The following RPA1 variants were observed in gnomAD, a reference collection of about 807,000 sequenced individuals.
RPA1 encodes the protein replication protein A 70 kDa DNA-binding subunit.
RPA1 carries 49 observed loss-of-function variants against 83.0 expected under a neutral mutation model. That is an observed-to-expected ratio of 0.59 (90% CI 0.47 to 0.75). RPA1 has a LOEUF of 0.75. RPA1 is among the 30% of genes least tolerant of loss of function. The pLI is 0.00. For synonymous variants in RPA1, 279 were observed against 281.8 expected (o/e 0.99, Z 0.10); for missense variants, 693 against 776.1 (o/e 0.89, Z 1.27).
At chr17:1,875,901 A>C (rs1597448255) in intron 7 of RPA1, 108 bp downstream of exon 7, 15 of 1,034,542 alleles carry the variant, frequency 1.4e-5, no homozygotes, top group East Asian at 3.0e-5. Flanking sequence ...ACCAAATACC[A>C]CCAAATAGAA....
intron 5 of RPA1, among the ~76,000 whole-genome samples, chr17:1,870,255 T>C (rs2151283113): frequency 6.6e-6 from 1 of 152,330 alleles, no homozygotes; most frequent in East Asian, 1.9e-4. Flanking sequence ...AAAGGGTAGC[T>C]GTAATTCATA....
At chr17:1,881,108 ACT>A (rs1913780003) in intron 12 of RPA1, among the ~76,000 whole-genome samples, 1 of 151,826 alleles carries the variant, frequency 6.6e-6, no homozygotes, top group Non-Finnish European at 1.5e-5. Context: ...TATTCACTAG[ACT>A]CTGATCAAGT....
At chr17:1,874,294 C>A (rs906309332) in intron 6 of RPA1, among the ~76,000 whole-genome samples, 3 of 152,008 alleles carry the variant, frequency 2.0e-5, no homozygotes, top group Non-Finnish European at 4.4e-5. Flanking sequence ...TGCTTGAGCC[C>A]AGCAGTTTGA....
Position 1,897,226 on chromosome 17 carries a change from G to C in RPA1, c.*51G>C. 1 of 1,350,004 alleles carries C rather than the reference G, an allele frequency of 7.4e-7. No individual in the cohort carries two copies. The highest frequency in any genetic ancestry group is 1.4e-5 in the African/African-American group (1 of 69,328). The allele number at this position is 1,350,004 out of a possible 1,614,324, so 83.6% of individuals were successfully genotyped here. A position where few individuals can be genotyped will look rare whatever the true frequency, so the allele number is the denominator to read the frequency against. On this transcript the variant is annotated 3_prime_UTR_variant, in exon 17 of 17. Coordinates refer to ENST00000254719, the MANE Select transcript of RPA1 (RefSeq NM_002945.5). ...GTTTGCAAATAGGCAGAATGGAATCGATTTCCTCCCACCTCCGTGTGACGA... is the reference window on the plus strand; with the variant it reads ...GTTTGCAAATAGGCAGAATGGAATCCATTTCCTCCCACCTCCGTGTGACGA...
chr17:1,890,587 C>T (rs965793457), intron 14 of RPA1, among the ~76,000 whole-genome samples: 3 of 151,976 alleles, frequency 2.0e-5, no homozygotes, highest in East Asian at 1.9e-4. Context: ...GGCATGAACC[C>T]GGGAGGTGGA....
chr17:1,844,670 ACT>A lies in RPA1; in HGVS notation c.259_260del (p.Leu87GlufsTer19). The A allele has an allele frequency of 6.2e-7, 1 of 1,611,690 alleles. No individual in the cohort carries two copies. Among genetic ancestry groups the A allele is most frequent in the Non-Finnish European group, 8.5e-7 (1 of 1,178,096 alleles). On this transcript the variant is annotated frameshift_variant, in exon 4 of 17. Coordinates refer to ENST00000254719, the MANE Select transcript of RPA1 (RefSeq NM_002945.5). LOFTEE classifies it high-confidence loss of function. Reference protein sequence around the residue: ...VCQIHRFIVNTLKDGRRVVIL... With the variant: ...VCQIHRFIVNXLKDGRRVVIL... ...CCAGATTCACAGATTTATTGTGAAC[ACT>A]CTGAAAGACGGAAGGTATGTGCTGT...
Position 1,875,784 on chromosome 17 carries a change from A to G in RPA1, c.578A>G (p.Tyr193Cys). The change falls in exon 7 of 17, where the codon TAC (tyrosine) becomes TGC (cysteine). Residue 193 changes from tyrosine to cysteine, a missense_variant. Physicochemically the swap from Tyr to Cys is radical, Grantham distance 194. Transcript: ENST00000254719. ...KVVPIASLTP[Y>C]QSKWTICARV... ...GTGCCCATTGCCAGCCTCACTCCTTACCAGTCCAAGTGAGTTGTTGCATAG... is the reference window on the plus strand; with the variant it reads ...GTGCCCATTGCCAGCCTCACTCCTTGCCAGTCCAAGTGAGTTGTTGCATAG... 1 of 1,613,732 alleles carries G rather than the reference A, an allele frequency of 6.2e-7. No individual in the cohort carries two copies. Among genetic ancestry groups the G allele is most frequent in the Non-Finnish European group, 8.5e-7 (1 of 1,179,880 alleles).
intron 5 of RPA1, among the ~76,000 whole-genome samples, chr17:1,856,530 C>T (rs533544027): frequency 5.9e-5 from 9 of 152,068 alleles, no homozygotes; most frequent in Non-Finnish European, 1.0e-4. Context: ...ACCCGGGAGG[C>T]GAAGGTTGCA....
chr17:1,842,329 T>G (rs1028468200), intron 1 of RPA1, among the ~76,000 whole-genome samples: 3 of 152,358 alleles, frequency 2.0e-5, no homozygotes, highest in African/African-American at 7.2e-5. Context: ...GGTTCTCTTT[T>G]GGAATATTTA....
chr17:1,885,518 C>A (rs1275594340), intron 13 of RPA1, among the ~76,000 whole-genome samples: 4 of 152,052 alleles, frequency 2.6e-5, no homozygotes. Context: ...GTCACTCAGG[C>A]TGGAGTGCAC....
intron 5 of RPA1, chr17:1,858,434 A>G (rs1912803180): frequency 1.3e-6 from 2 of 1,482,610 alleles, no homozygotes; most frequent in Admixed American, 3.3e-5. Flanking sequence ...TGTCTCAGCA[A>G]CAGCGCAGCC....
intron 4 of RPA1, among the ~76,000 whole-genome samples, chr17:1,848,604 G>A (rs1912355728): frequency 7.4e-6 from 1 of 135,858 alleles, no homozygotes; most frequent in Non-Finnish European, 1.6e-5. Flanking sequence ...AGTTTTTCTT[G>A]CCCAGGCTGG....
chr17:1,867,349 G>A (rs1230981188), intron 5 of RPA1, among the ~76,000 whole-genome samples: 1 of 152,068 alleles, frequency 6.6e-6, no homozygotes, highest in Non-Finnish European at 1.5e-5. Flanking sequence ...GTGTGTGTGT[G>A]TGTGTGTTGT....
At chr17:1,877,401 G>A in intron 8 of RPA1, 87 bp downstream of exon 8, 1 of 1,187,430 alleles carries the variant, frequency 8.4e-7, no homozygotes, top group Non-Finnish European at 1.2e-6. Flanking sequence ...TGGGCTCGCT[G>A]GGAAACAGAA....
chr17:1,894,290 C>T (rs1225630509), intron 15 of RPA1, among the ~76,000 whole-genome samples: 6 of 152,028 alleles, frequency 3.9e-5, no homozygotes, highest in Admixed American at 6.6e-5. Context: ...CCTCAGCCTC[C>T]CTAGTACCTG....
chr17:1,861,726 C>CT (rs546703571), intron 5 of RPA1, among the ~76,000 whole-genome samples: 233 of 145,786 alleles, frequency 1.6e-3, no homozygotes, highest in Non-Finnish European at 1.7e-3. Flanking sequence ...GGTGCTCTCT[C>CT]TTTTTTTTTT....
At chr17:1,894,015 C>T (rs1914296735) in intron 15 of RPA1, among the ~76,000 whole-genome samples, 1 of 148,264 alleles carries the variant, frequency 6.7e-6, no homozygotes, top group Admixed American at 6.9e-5. Context: ...TACACGCCAC[C>T]ATACCTGGCT....
intron 14 of RPA1, among the ~76,000 whole-genome samples, chr17:1,889,357 C>T (rs1914122447): frequency 7.0e-6 from 1 of 143,560 alleles, no homozygotes; most frequent in South Asian, 2.2e-4. Context: ...TTTTAAGAAA[C>T]AGGGGTCTCA....
chr17:1,874,367 G>T (rs549993346), intron 6 of RPA1, among the ~76,000 whole-genome samples: 1 of 151,772 alleles, frequency 6.6e-6, no homozygotes, highest in Admixed American at 6.6e-5. Flanking sequence ...TCAGCTGGGC[G>T]TGGTGGTGCA....
Sources: allele counts gnomAD v4.1 joint callset (sites outside exome capture counted in the v4.1 genomes callset), GRCh38; gene constraint gnomAD v4.1.1; transcripts MANE v1.5; gene names NCBI Gene and HGNC (gene_info 2026-07-23, HGNC 2026-07-21).